The following VPS50 variants were observed in gnomAD, a reference collection of about 807,000 sequenced individuals.
VPS50 encodes VPS50 subunit of EARP/GARPII complex.
VPS50 carries 70 observed loss-of-function variants against 139.7 expected under a neutral mutation model. That is an observed-to-expected ratio of 0.50 (90% CI 0.41 to 0.61). VPS50 has a LOEUF of 0.61. Ranked by LOEUF, VPS50 falls within the 20% of genes least tolerant of loss-of-function variation. VPS50 has a pLI of 0.00. For synonymous variants in VPS50, 365 were observed against 376.7 expected (o/e 0.97, Z 0.36); for missense variants, 921 against 1,133.7 (o/e 0.81, Z 2.69).
Position 93,232,511 on chromosome 7 carries a change from G to A in VPS50, c.33+11G>A, listed in dbSNP as rs1292505862. Reference sequence around the variant, plus strand: ...CTCATGACCCGACAGGTAAGTCGCGGCGGCTGAAGCAAAGGCTTCCTTCAT... The same window carrying A: ...CTCATGACCCGACAGGTAAGTCGCGACGGCTGAAGCAAAGGCTTCCTTCAT... On this transcript the variant is annotated intron_variant, in intron 1 of 27. Coordinates refer to ENST00000305866, the MANE Select transcript of VPS50 (RefSeq NM_017667.4). 1.2e-6 allele frequency: 2 copies of A among 1,612,050 alleles called. No homozygotes were observed. The highest frequency in any genetic ancestry group is 2.7e-5 in the African/African-American group (2 of 74,842).
chr7:93,305,932 T>G lies in VPS50; in HGVS notation c.1557T>G (p.Ser519Arg). 1 of 1,612,444 alleles carries G rather than the reference T, an allele frequency of 6.2e-7. No individual in the cohort carries two copies. Among genetic ancestry groups the G allele is most frequent in the Non-Finnish European group, 8.5e-7 (1 of 1,178,688 alleles). Reference sequence around the variant, plus strand: ...TGACCTTGTTTGAGCAGTACTGTAGTGGTGGGAATCCATTTGAAATTCAGG... The same window carrying G: ...TGACCTTGTTTGAGCAGTACTGTAGGGGTGGGAATCCATTTGAAATTCAGG... ...KTVTLFEQYC[S>R]GGNPFEIQAN... The change falls in exon 18 of 28, where the codon AGT becomes AGG. Residue 519 changes from serine to arginine, a missense_variant. Ser to Arg is a moderately radical substitution (Grantham distance 110). This residue lies in a region of VPS50 where 744 missense variants were observed against 930.6 expected (regional missense o/e 0.80). Transcript: ENST00000305866.
At chr7:93,323,207 A>AACTT (rs1223968956) in intron 20 of VPS50, 1 of 152,090 alleles carries the variant, frequency 6.6e-6, no homozygotes, top group Admixed American at 6.5e-5. Flanking sequence ...TCCTCTATTA[A>AACTT]ACTTACACAT....
intron 12 of VPS50, among the ~76,000 whole-genome samples, chr7:93,285,470 C>T (rs1310662226): frequency 6.6e-6 from 1 of 152,050 alleles, no homozygotes; most frequent in Non-Finnish European, 1.5e-5. Flanking sequence ...GCAGCTTTTC[C>T]TCCCGTATTT....
At chr7:93,242,518 A>G in intron 2 of VPS50, among the ~76,000 whole-genome samples, 1 of 151,994 alleles carries the variant, frequency 6.6e-6, no homozygotes, top group African/African-American at 2.4e-5. Context: ...CTCACAGTAT[A>G]TTCTAGGTTT....
chr7:93,250,454 AGTCCCTATT>A (rs1289683965), intron 2 of VPS50, among the ~76,000 whole-genome samples: 1 of 152,272 alleles, frequency 6.6e-6, no homozygotes, highest in East Asian at 1.9e-4. Flanking sequence ...TGGGGAAAGG[AGTCCCTATT>A]TAATAAATGG....
chr7:93,312,717 A>G (rs1446440823), intron 20 of VPS50, among the ~76,000 whole-genome samples: 4 of 151,368 alleles, frequency 2.6e-5, no homozygotes, highest in East Asian at 3.9e-4. Context: ...TAATTCTTCT[A>G]TTCTTCCATG....
At chr7:93,264,125 A>G (rs1378097181) in intron 9 of VPS50, among the ~76,000 whole-genome samples, 1 of 152,152 alleles carries the variant, frequency 6.6e-6, no homozygotes, top group African/African-American at 2.4e-5. Context: ...ATTATCATAT[A>G]ATGATGCACC....
At chr7:93,241,668 G>C (rs1275155199) in intron 2 of VPS50, among the ~76,000 whole-genome samples, 2 of 152,002 alleles carry the variant, frequency 1.3e-5, no homozygotes, top group East Asian at 3.9e-4. Context: ...CCAGAGAGTG[G>C]CAAAGCTCCA....
At chr7:93,282,146 G>A (rs989091498) in intron 12 of VPS50, among the ~76,000 whole-genome samples, 5 of 151,872 alleles carry the variant, frequency 3.3e-5, no homozygotes, top group East Asian at 1.9e-4. Flanking sequence ...GGAGCTTGCC[G>A]TGAGCTGAGA....
rs578210119 is a variant in VPS50 at position 93,282,013 on chromosome 7, G to C, written c.942+5708G>C. On this transcript the variant is annotated intron_variant, in intron 12 of 27. Transcript: ENST00000305866. Reference sequence around the variant, plus strand: ...AGGTCAGGAGATCGAGACCATCCTGGCTAACACGGTGAAACCCTGTCTCTA... The same window carrying C: ...AGGTCAGGAGATCGAGACCATCCTGCCTAACACGGTGAAACCCTGTCTCTA... 7.2e-5 allele frequency among the ~76,000 whole-genome samples: 11 copies of C among 152,106 alleles called. No individual in the cohort carries two copies. In the East Asian group the frequency reaches 1.9e-3, roughly 27 times the overall value.
At chr7:93,318,604 G>C (rs1342199720) in intron 20 of VPS50, among the ~76,000 whole-genome samples, 1 of 152,168 alleles carries the variant, frequency 6.6e-6, no homozygotes, top group African/African-American at 2.4e-5. Context: ...CTATAGAAGA[G>C]AGCCTTAAAT....
chr7:93,269,283 T>G (rs1795935890), intron 9 of VPS50, among the ~76,000 whole-genome samples: 1 of 152,134 alleles, frequency 6.6e-6, no homozygotes, highest in African/African-American at 2.4e-5. Flanking sequence ...CTAGAATTAT[T>G]TTTTTAAGGA....
intron 12 of VPS50, among the ~76,000 whole-genome samples, chr7:93,287,421 CTT>C (rs201490850): frequency 9.3e-5 from 13 of 140,538 alleles, no homozygotes; most frequent in African/African-American, 1.0e-4. Context: ...TGAAGGACCT[CTT>C]TTTTTTTTTT....
At chr7:93,240,216 T>TGC (rs1322755993) in intron 2 of VPS50, among the ~76,000 whole-genome samples, 3 of 121,882 alleles carry the variant, frequency 2.5e-5, no homozygotes, top group African/African-American at 3.8e-5. Context: ...TATATGTGTA[T>TGC]GCACACACAC....
rs759622163 is a variant in VPS50 at position 93,276,171 on chromosome 7, A to G, written c.808A>G (p.Met270Val). 50 of 1,607,056 alleles carry G rather than the reference A, an allele frequency of 3.1e-5. 1 individual carries two copies. The highest frequency in any genetic ancestry group is 3.9e-5 in the Non-Finnish European group (46 of 1,176,726). ...CGTTTTTTTCTTTCCACAGACAGCA[A>G]TGGATCAACTTCATATGCACTTCAC... is the stretch of plus-strand genomic sequence containing the variant. The part of the protein sequence containing the change: ...YRLLGKTQTA[M>V]DQLHMHFTQA... Residue 270 changes from methionine to valine, a missense_variant, in exon 12 of 28, where the codon ATG becomes GTG. Physicochemically the swap from Met to Val is conservative, Grantham distance 21. Transcript: ENST00000305866.
intron 2 of VPS50, among the ~76,000 whole-genome samples, chr7:93,240,255 T>A (rs879917151): frequency 0.054 from 6,866 of 127,154 alleles, 321 homozygotes; most frequent in African/African-American, 0.16. Context: ...ACACACTCTC[T>A]CTCTCTCTCT....
Position 93,308,836 on chromosome 7 carries a change from G to A in VPS50, c.1642G>A (p.Glu548Lys). Residue 548 changes from glutamate (E) to lysine (K), a missense_variant, in exon 19 of 28, where the codon GAA (glutamate) becomes AAA (lysine). By Grantham distance (56) the Glu-to-Lys change is moderately conservative. Coordinates refer to ENST00000305866, the MANE Select transcript of VPS50 (RefSeq NM_017667.4). Reference sequence around the variant, plus strand: ...GTGTTTTCTTCAGTATGAATCTGATGAACAAGAAAAGAGTGCCTATCAAGA... The same window carrying A: ...GTGTTTTCTTCAGTATGAATCTGATAAACAAGAAAAGAGTGCCTATCAAGA... ...VLASNGYESD[E>K]QEKSAYQEYD... The A allele has an allele frequency of 6.3e-7, 1 of 1,592,570 alleles. No homozygotes were observed. The highest frequency in any genetic ancestry group is 8.6e-7 in the Non-Finnish European group (1 of 1,161,964).
At chr7:93,282,830 C>G (rs963413330) in intron 12 of VPS50, among the ~76,000 whole-genome samples, 1 of 152,148 alleles carries the variant, frequency 6.6e-6, no homozygotes, top group Non-Finnish European at 1.5e-5. Flanking sequence ...TTATCATTTA[C>G]TTGGTTTGCT....
intron 22 of VPS50, among the ~76,000 whole-genome samples, chr7:93,338,212 G>C (rs1798117225): frequency 6.6e-6 from 1 of 152,096 alleles, no homozygotes; most frequent in South Asian, 2.1e-4. Flanking sequence ...CAAGATAGTT[G>C]GATAGCTATC....
Sources: allele counts gnomAD v4.1 joint callset (sites outside exome capture counted in the v4.1 genomes callset), GRCh38; gene constraint gnomAD v4.1.1; regional missense constraint gnomAD v4.1.1; transcripts MANE v1.5; gene names NCBI Gene and HGNC (gene_info 2026-07-23, HGNC 2026-07-21).